CCND3: variants seen among roughly 807,000 people sequenced by gnomAD.
CCND3 encodes the protein G1/S-specific cyclin-D3.
In CCND3, 9 loss-of-function variants were observed where a neutral mutation model predicts 28.7. The ratio of observed to expected loss-of-function variants is 0.31; its 90% CI spans 0.19 to 0.55. The LOEUF (loss-of-function observed/expected upper bound fraction) is 0.55, where lower values mean the gene tolerates loss of function less well. CCND3 is among the 20% of genes least tolerant of loss of function. CCND3 has a pLI of 0.93. For synonymous variants in CCND3, 164 were observed against 163.9 expected (o/e 1.00, Z 0.00); for missense variants, 315 against 385.8 (o/e 0.82, Z 1.54).
At chr6:42,034,468 CTTTTTTTTTTTTT>C (rs34822771) in intron 1 of CCND3, among the ~76,000 whole-genome samples, 7 of 51,002 alleles carry the variant, frequency 1.4e-4, no homozygotes, top group South Asian at 2.0e-3. Flanking sequence ...CCCTGTCACT[CTTTTTTTTTTTTT>C]TTTTTTTTTT....
chr6:41,995,367 C>G (rs951854654), intron 1 of CCND3, among the ~76,000 whole-genome samples: 3 of 152,164 alleles, frequency 2.0e-5, no homozygotes, highest in African/African-American at 7.2e-5. Context: ...AAGCAATTCT[C>G]CTGCCTCAGC....
chr6:42,021,038 C>T (rs1439831426), intron 1 of CCND3, among the ~76,000 whole-genome samples: 1 of 152,232 alleles, frequency 6.6e-6, no homozygotes, highest in East Asian at 1.9e-4. Context: ...AGGCGTGAGC[C>T]ACCGTGCCCA....
intron 1 of CCND3, among the ~76,000 whole-genome samples, chr6:41,951,110 G>A (rs959168025): frequency 1.3e-5 from 2 of 152,006 alleles, no homozygotes; most frequent in East Asian, 1.9e-4. Flanking sequence ...CTTTTACCTC[G>A]GCATTTGCAA....
chr6:42,030,045 G>A (rs963114504), intron 1 of CCND3: 9 of 152,154 alleles, frequency 5.9e-5, no homozygotes, highest in African/African-American at 1.2e-4. Flanking sequence ...TGTGCAACCA[G>A]GACAGAGGCC....
chr6:41,971,437 G>T (rs1762029655), intron 1 of CCND3, among the ~76,000 whole-genome samples: 2 of 151,996 alleles, frequency 1.3e-5, no homozygotes, highest in South Asian at 2.1e-4. Context: ...GCTCCAAGAT[G>T]ATAATTATGT....
At chr6:41,980,036 A>ACACACACACACACACAC (rs1554162936) in intron 1 of CCND3, among the ~76,000 whole-genome samples, 30 of 151,328 alleles carry the variant, frequency 2.0e-4, no homozygotes, top group South Asian at 4.2e-4. Context: ...ACACACACAC[A>ACACACACACACACACAC]ATCAAACCTT....
At chr6:42,041,701 C>A (rs994395998) in intron 1 of CCND3, among the ~76,000 whole-genome samples, 1 of 152,174 alleles carries the variant, frequency 6.6e-6, no homozygotes, top group African/African-American at 2.4e-5. Flanking sequence ...ATAAACCTCC[C>A]CTGGGCCTTA....
intron 1 of CCND3, among the ~76,000 whole-genome samples, chr6:41,947,552 T>A (rs573164077): frequency 6.6e-6 from 1 of 152,108 alleles, no homozygotes; most frequent in African/African-American, 2.4e-5. Flanking sequence ...TCCCACACAA[T>A]CCCCACACTC....
rs991296447 is a variant in CCND3 at position 42,032,680 on chromosome 6, C to T, written c.-46+15821G>A. Reference sequence around the variant, plus strand: ...CTCTGGCTGTTGGGTGTCCAGCCCCCTCCCTGACAGCACAGCCACTTCCCT... The same window carrying T: ...CTCTGGCTGTTGGGTGTCCAGCCCCTTCCCTGACAGCACAGCCACTTCCCT... On this transcript the variant is annotated intron_variant, in intron 1 of 4. Transcript: ENST00000372988. Among the ~76,000 whole-genome samples the T allele has an allele frequency of 9.2e-5, 14 of 152,250 alleles. 1 individual carries two copies. The highest frequency in any genetic ancestry group is 2.0e-4 in the Admixed American group (3 of 15,290).
At chr6:42,045,253 GAGAGTTAATTCACGAGTAAAGAGCCT>G (rs555778914) in intron 1 of CCND3, among the ~76,000 whole-genome samples, 210 of 152,312 alleles carry the variant, frequency 1.4e-3, no homozygotes, top group African/African-American at 4.7e-3. Context: ...TGCTCAGACT[GAGAGTTAATTCACGAGTAAAGAGCCT>G]AGACTTTGAA....
intron 1 of CCND3, among the ~76,000 whole-genome samples, chr6:42,046,786 C>T (rs988145005): frequency 2.6e-5 from 4 of 152,206 alleles, no homozygotes; most frequent in Non-Finnish European, 5.9e-5. Flanking sequence ...CTGTATCATC[C>T]AAGATACAGG....
At chr6:41,994,890 G>A (rs947888024) in intron 1 of CCND3, among the ~76,000 whole-genome samples, 1 of 151,992 alleles carries the variant, frequency 6.6e-6, no homozygotes, top group Non-Finnish European at 1.5e-5. Context: ...TGGCCAACAT[G>A]GTGAAACCCC....
At position 41,941,381 on chromosome 6, in the gene CCND3, G is replaced by C; in HGVS notation, c.198+71C>G. ...TGCAGATTGCTGTGGGGACCGGGAT[G>C]TCCCGACAGGGCGGCCCCGGTGTGT... On this transcript the variant is annotated intron_variant, in intron 1 of 4. Coordinates refer to ENST00000372991, the MANE Select transcript of CCND3 (RefSeq NM_001760.5). The surrounding 1 kb of genome is among the most constrained non-coding windows in gnomAD (Gnocchi z 6.1). 1 of 1,571,550 alleles carries C rather than the reference G, an allele frequency of 6.4e-7. No homozygotes were observed. The highest frequency in any genetic ancestry group is 8.6e-7 in the Non-Finnish European group (1 of 1,163,262).
intron 1 of CCND3, among the ~76,000 whole-genome samples, chr6:41,951,147 TTG>T (rs1404263133): frequency 6.6e-6 from 1 of 152,044 alleles, no homozygotes; most frequent in Non-Finnish European, 1.5e-5. Flanking sequence ...GCAGGGTGGT[TTG>T]TGTGACAGGA....
chr6:41,990,870 G>A (rs746178777), intron 1 of CCND3, among the ~76,000 whole-genome samples: 2 of 151,212 alleles, frequency 1.3e-5, no homozygotes, highest in African/African-American at 2.4e-5. Flanking sequence ...TAGTAGAGTC[G>A]GAGTTTCACC....
chr6:42,033,263 C>A (rs1764095724), intron 1 of CCND3, among the ~76,000 whole-genome samples: 1 of 151,330 alleles, frequency 6.6e-6, no homozygotes, highest in South Asian at 2.1e-4. Context: ...ACCAGCCTGG[C>A]CAACATGGTG....
chr6:42,036,237 T>C (rs1332207795), intron 1 of CCND3, among the ~76,000 whole-genome samples: 4 of 140,116 alleles, frequency 2.9e-5, no homozygotes, highest in Non-Finnish European at 4.6e-5. Context: ...AAGTGATCCA[T>C]CTGCCTCGGC....
At chr6:42,047,617 A>G (rs1422542206) in intron 1 of CCND3, among the ~76,000 whole-genome samples, 1 of 151,740 alleles carries the variant, frequency 6.6e-6, no homozygotes, top group African/African-American at 2.4e-5. Context: ...GGTTCTTGGG[A>G]CCCAGCCCAG....
chr6:42,010,269 G>A (rs997550479), intron 1 of CCND3, among the ~76,000 whole-genome samples: 1 of 152,188 alleles, frequency 6.6e-6, no homozygotes, highest in Non-Finnish European at 1.5e-5. Flanking sequence ...AAACAGAAAG[G>A]GAGGGGGGCA....
Sources: gnomAD v4.1 joint callset for allele counts (sites outside exome capture counted in the v4.1 genomes callset) on GRCh38, gnomAD v4.1.1 for gene constraint, Gnocchi (gnomAD v3.1) non-coding constraint, MANE v1.5 for transcripts, NCBI Gene and HGNC (gene_info 2026-07-23, HGNC 2026-07-21) for gene names.